TMC2: variants seen among roughly 807,000 people sequenced by gnomAD.
The protein encoded by TMC2 is transmembrane channel-like protein 2.
TMC2 carries 102 observed loss-of-function variants against 105.9 expected under a neutral mutation model. That is an observed-to-expected ratio of 0.96 (90% CI 0.82 to 1.14). The LOEUF is 1.14. Ranked by LOEUF, TMC2 falls within the 50% of genes most tolerant of loss-of-function variation. The pLI, the probability that TMC2 is intolerant of heterozygous loss-of-function variation, is 0.00. For missense variants in TMC2, 1,093 were observed against 1,134.3 expected, an observed-to-expected ratio of 0.96 and a Z score of 0.52; for synonymous variants, 402 against 422.8, an observed-to-expected ratio of 0.95 and a Z score of 0.60.
chr20:2,600,618 C>T (rs1037709517), intron 10 of TMC2, among the ~76,000 whole-genome samples: 3 of 152,044 alleles, frequency 2.0e-5, no homozygotes, highest in African/African-American at 4.8e-5. Flanking sequence ...GTCAAGAGAT[C>T]GAGACCATCC....
intron 2 of TMC2, among the ~76,000 whole-genome samples, chr20:2,544,135 C>T (rs1427065834): frequency 2.0e-5 from 3 of 148,664 alleles, no homozygotes; most frequent in Non-Finnish European, 3.0e-5. Context: ...AGGCTGGTCT[C>T]GAACTCCTGA....
At position 2,558,249 on chromosome 20, in the gene TMC2, C is replaced by A; in HGVS notation, c.83-207C>A. On this transcript the variant is annotated intron_variant, in intron 2 of 19. Coordinates refer to ENST00000358864, the MANE Select transcript of TMC2 (RefSeq NM_080751.3). This position sits in a 1 kb window ranked among gnomAD's most constrained non-coding sequence, Gnocchi z 4.6. ...GGGAGGGAGAAGGCCAGAGAGTGAC[C>A]TTCCTGCTTCTGCAGTTTTCTTAGT... 1 of 1,275,446 alleles carries A rather than the reference C, an allele frequency of 7.8e-7. No individual in the cohort carries two copies. Among genetic ancestry groups the A allele is most frequent in the Non-Finnish European group, 1.0e-6 (1 of 954,276 alleles). The allele number at this position is 1,275,446 out of a possible 1,614,324, so 79.0% of individuals were successfully genotyped here. A position where few individuals can be genotyped will look rare whatever the true frequency, so the allele number is the denominator to read the frequency against.
At chr20:2,612,914 T>A (rs548175584) in intron 13 of TMC2, among the ~76,000 whole-genome samples, 42 of 152,318 alleles carry the variant, frequency 2.8e-4, no homozygotes, top group African/African-American at 9.4e-4. Context: ...ACATAATTAC[T>A]AAGTTTCACA....
In TMC2 at chr20:2,579,974, C is replaced by T. The variant is rs756041841; in HGVS notation, c.752C>T (p.Ser251Leu). 19 of 1,613,806 alleles carry T rather than the reference C, an allele frequency of 1.2e-5. No individual in the cohort carries two copies. Among genetic ancestry groups the T allele is most frequent in the Middle Eastern group, 3.3e-4 (2 of 6,080 alleles). ...GGTCACTTTGGTTCTTCAGTGGCAT[C>T]GTATTTCATCTTTCTCCGATGGATG... The part of the protein sequence containing the change: ...IESHFGSSVA[S>L]YFIFLRWMYG... The change falls in exon 7 of 20, where the codon TCG becomes TTG. Residue 251 changes from serine to leucine, a missense_variant. By Grantham distance (145) the Ser-to-Leu change is moderately radical (BLOSUM62 -2). Transcript: ENST00000358864.
chr20:2,599,748 C>A (rs915136250), intron 10 of TMC2, among the ~76,000 whole-genome samples: 1 of 151,906 alleles, frequency 6.6e-6, no homozygotes. Flanking sequence ...AGCTCCCATT[C>A]CAAGTTCTTT....
intron 11 of TMC2, among the ~76,000 whole-genome samples, chr20:2,605,915 C>T (rs1043549212): frequency 2.6e-5 from 4 of 152,312 alleles, no homozygotes; most frequent in African/African-American, 9.6e-5. Flanking sequence ...AGACCTTCCA[C>T]TGAGCAGACT....
intron 19 of TMC2, among the ~76,000 whole-genome samples, chr20:2,640,227 C>T (rs1293234414): frequency 6.6e-6 from 1 of 152,180 alleles, no homozygotes; most frequent in Non-Finnish European, 1.5e-5. Flanking sequence ...AATGATCAGC[C>T]TCAAGTGATC....
intron 19 of TMC2, 84 bp from the exon 20 acceptor site, chr20:2,641,050 C>T (rs2086684392): frequency 8.3e-7 from 1 of 1,197,654 alleles, no homozygotes; most frequent in Non-Finnish European, 1.2e-6. Flanking sequence ...AACCTACACA[C>T]ACCGCAGGGC....
rs1400088534 is a variant in TMC2 at position 2,613,285 on chromosome 20, T to C, written c.1835T>C (p.Met612Thr). 6.2e-7 allele frequency: 1 copy of C among 1,614,116 alleles called. No individual in the cohort carries two copies. Among genetic ancestry groups the C allele is most frequent in the Non-Finnish European group, 8.5e-7 (1 of 1,180,008 alleles). The change falls in exon 14 of 20, where the codon ATG (methionine) becomes ACG (threonine). Residue 612 changes from methionine (M) to threonine (T), a missense_variant. Transcript: ENST00000358864. ...DFLRACFVRFMNYCWCWDLEA... is the reference protein window; with the variant it reads ...DFLRACFVRFTNYCWCWDLEA... ...CTACGGGCTTGTTTTGTGCGGTTCA[T>C]GAACTACTGCTGGTGCTGGGACTTG... is the stretch of plus-strand genomic sequence containing the variant.
intron 16 of TMC2, chr20:2,617,656 T>C (rs1404555825): frequency 3.4e-6 from 1 of 298,038 alleles, no homozygotes; most frequent in African/African-American, 2.2e-5. Flanking sequence ...TGGATACATG[T>C]ATACAATATA....
intron 12 of TMC2, among the ~76,000 whole-genome samples, chr20:2,611,181 A>G (rs1290351008): frequency 2.0e-5 from 3 of 152,210 alleles, no homozygotes; most frequent in Non-Finnish European, 4.4e-5. Context: ...GACATTGGAA[A>G]AGGCAGAGGG....
At chr20:2,578,323 A>T (rs112287980) in intron 5 of TMC2, among the ~76,000 whole-genome samples, 4,133 of 152,286 alleles carry the variant, frequency 0.027, 176 homozygotes, top group African/African-American at 0.091. Flanking sequence ...CCATCTCAAA[A>T]TAACAATAAT....
chr20:2,543,544 T>C (rs748187649), intron 2 of TMC2, among the ~76,000 whole-genome samples: 4 of 152,174 alleles, frequency 2.6e-5, no homozygotes, highest in South Asian at 2.1e-4. Context: ...AGAGCCCAAA[T>C]TGAAGAATTG....
chr20:2,624,288 A>G lies in TMC2; in HGVS notation c.2198A>G (p.Tyr733Cys), dbSNP rs1402233254. The G allele has an allele frequency of 6.2e-6, 10 of 1,614,122 alleles. No homozygotes were observed. The highest frequency in any genetic ancestry group is 8.5e-6 in the Non-Finnish European group (10 of 1,179,980). ...CGPFSGKNRM[Y>C]DVLQETIEND... ...TTTTCCAGTGGGAAAAACAGAATGT[A>G]CGATGTCCTCCAAGAGACCATTGAA... Residue 733 changes from tyrosine to cysteine, a missense_variant, in exon 17 of 20, where the codon TAC (tyrosine) becomes TGC (cysteine). Transcript: ENST00000358864.
intron 2 of TMC2, among the ~76,000 whole-genome samples, chr20:2,545,689 A>G (rs548398027): frequency 1.6e-3 from 108 of 66,316 alleles, no homozygotes; most frequent in African/African-American, 3.5e-3. Context: ...AAGAAGAAAG[A>G]AGAAGGAAGA....
intron 2 of TMC2, among the ~76,000 whole-genome samples, chr20:2,551,463 A>G (rs776861542): frequency 8.6e-5 from 13 of 151,566 alleles, no homozygotes; most frequent in Non-Finnish European, 1.3e-4. Flanking sequence ...GTTTTAATGA[A>G]TTAAAACATC....
At chr20:2,613,761 C>A (rs1233758896) in intron 14 of TMC2, 1 of 270,560 alleles carries the variant, frequency 3.7e-6, no homozygotes, top group East Asian at 1.0e-4. Context: ...TGAGAAACCT[C>A]CTTTGACTTG....
intron 2 of TMC2, among the ~76,000 whole-genome samples, chr20:2,543,925 CAG>C (rs1408154170): frequency 7.1e-6 from 1 of 141,594 alleles, no homozygotes; most frequent in East Asian, 2.0e-4. Flanking sequence ...TTTTTTGAGA[CAG>C]AGTCTCGCTC....
intron 10 of TMC2, among the ~76,000 whole-genome samples, chr20:2,601,793 T>C (rs1340357188): frequency 6.6e-6 from 1 of 151,936 alleles, no homozygotes; most frequent in East Asian, 1.9e-4. Context: ...ATTGCACCAT[T>C]GCACCCCAGC....
Sources: gnomAD v4.1 joint callset for allele counts (sites outside exome capture counted in the v4.1 genomes callset) on GRCh38, gnomAD v4.1.1 for gene constraint, Gnocchi (gnomAD v3.1) non-coding constraint, MANE v1.5 for transcripts, NCBI Gene and HGNC (gene_info 2026-07-23, HGNC 2026-07-21) for gene names.